Variants in FLNA observed in about 807,000 individuals in gnomAD.
FLNA encodes filamin A.
FLNA carries 7 observed loss-of-function variants against 157.6 expected under a neutral mutation model. That is an observed-to-expected ratio of 0.04 (90% CI 0.03 to 0.08). The LOEUF is 0.08. Ranked by LOEUF, FLNA falls within the 10% of genes least tolerant of loss-of-function variation. The pLI, the probability that FLNA is intolerant of heterozygous loss-of-function variation, is 1.00. For synonymous variants in FLNA, 1,103 were observed against 1,060.8 expected (o/e 1.04, Z -0.77); for missense variants, 1,750 against 2,398.4 (o/e 0.73, Z 5.65).
rs782026744 is a variant in FLNA at position 154,351,969 on chromosome X, A to G, written c.6822T>C (p.Ala2274=). The G allele has an allele frequency of 4.1e-6, 5 of 1,211,261 alleles. No homozygotes were observed. Among genetic ancestry groups the G allele is most frequent in the Non-Finnish European group, 5.6e-6 (5 of 895,157 alleles). The stretch of plus-strand genomic sequence containing the variant: ...TCTCAGCCTTGCTGGGGCCCTCGAC[A>G]GCAATGGCCAGGCCTCCAGCACCAG... ...REAGAGGLAI[A]VEGPSKAEIS... Residue 2274 remains alanine (A), a synonymous_variant, in exon 42 of 48, where the codon GCT becomes GCC. Transcript: ENST00000369850.
chrX:154,349,337 T>G, intron 47 of FLNA, 25 bp downstream of exon 47: 2 of 1,195,929 alleles, frequency 1.7e-6, no homozygotes, highest in Non-Finnish European at 2.3e-6. Context: ...GGTGGGAAGG[T>G]GGGCCGGGGG....
At chrX:154,370,562 G>T (rs900033833) in intron 2 of FLNA, among the ~76,000 whole-genome samples, 2 of 112,741 alleles carry the variant, frequency 1.8e-5, no homozygotes, top group Non-Finnish European at 3.8e-5. Flanking sequence ...CCCAGTGCCC[G>T]ACCCCCCAGG....
chrX:154,350,578 C>A (rs2067611407), intron 44 of FLNA: 1 of 383,419 alleles, frequency 2.6e-6, no homozygotes, highest in Non-Finnish European at 4.6e-6. Flanking sequence ...ATGAAGCCCA[C>A]TGGGCTCCTC....
intron 39 of FLNA, 45 bp downstream of exon 39, chrX:154,352,727 G>T: frequency 8.3e-7 from 1 of 1,211,668 alleles, no homozygotes; most frequent in South Asian, 1.8e-5. Context: ...CTGCCTGTGG[G>T]CCCTGGTGTA....
rs781794969 is a variant in FLNA, at chrX:154,360,363, G to A, written c.3432C>T (p.His1144=). The A allele has an allele frequency of 3.3e-6, 4 of 1,211,722 alleles. No individual in the cohort carries two copies. The South Asian group carries it at 5.3e-5, about 16-fold the overall frequency. ...YNINILFADT[H]IPGSPFKAHV... is the part of the protein sequence containing the mutation. Reference sequence around the variant, plus strand: ...GGGCCTTGAATGGGGAGCCAGGGATGTGGGTGTCAGCGAAGAGGATGTTGA... The same window carrying A: ...GGGCCTTGAATGGGGAGCCAGGGATATGGGTGTCAGCGAAGAGGATGTTGA... The change falls in exon 22 of 48, where the codon CAC becomes CAT. Residue 1144 remains histidine (H), a synonymous_variant. Coordinates refer to ENST00000369850, the MANE Select transcript of FLNA (RefSeq NM_001110556.2).
At position 154,362,455 on chromosome X, in the gene FLNA, G is replaced by GC. The variant is rs782312089; in HGVS notation, c.2527dup (p.Ala843GlyfsTer12). 2 of 1,211,447 alleles carry GC rather than the reference G, an allele frequency of 1.7e-6. No homozygotes were observed. On this transcript the variant is annotated frameshift_variant, in exon 17 of 48. Coordinates refer to ENST00000369850, the MANE Select transcript of FLNA (RefSeq NM_001110556.2). LOFTEE classifies it high-confidence loss of function. ...GAGGACCATAATGGTGTAGCTGCCA[G>GC]CCCCCCGGGGCGTGTACTTGACCGT...
At chrX:154,364,233 GC>G in intron 14 of FLNA, 25 bp downstream of exon 14, 1 of 1,207,753 alleles carries the variant, frequency 8.3e-7, no homozygotes, top group South Asian at 1.8e-5. Flanking sequence ...CACCTGCCCT[GC>G]CCCCAACACC....
chrX:154,356,674 C>T (rs1487972208), intron 30 of FLNA, among the ~76,000 whole-genome samples: 1 of 112,242 alleles, frequency 8.9e-6, no homozygotes, highest in Non-Finnish European at 1.9e-5. Flanking sequence ...AGGAGGGAGA[C>T]GGGCCACAGA....
At position 154,359,275 on chromosome X, in the gene FLNA, T is replaced by C. The variant is rs782695587; in HGVS notation, c.4274A>G (p.Asn1425Ser). Residue 1425 changes from asparagine (N) to serine (S), a missense_variant, in exon 25 of 48, where the codon AAC becomes AGC. Asn to Ser is a conservative substitution (Grantham distance 46). Coordinates refer to ENST00000369850, the MANE Select transcript of FLNA (RefSeq NM_001110556.2). ...IPYEAGTYSL[N>S]VTYGGHQVPG... ...CACTTGATGGCCACCATAGGTGACG[T>C]TGAGGCTGTAGGTGCCAGCCTCATA... 1.7e-5 allele frequency: 20 copies of C among 1,211,375 alleles called. No individual in the cohort carries two copies. Among genetic ancestry groups the C allele is most frequent in the East Asian group, 3.0e-5 (1 of 33,841 alleles).
chrX:154,373,209 G>A (rs2067820933), intron 1 of FLNA, among the ~76,000 whole-genome samples: 1 of 112,156 alleles, frequency 8.9e-6, no homozygotes, highest in South Asian at 3.6e-4. Flanking sequence ...TGGAAAGCAA[G>A]TTCCCAGGCA....
chrX:154,364,497 G>T, intron 13 of FLNA, 29 bp downstream of exon 13: 1 of 1,205,104 alleles, frequency 8.3e-7, no homozygotes. Flanking sequence ...AGCAGGGCGA[G>T]ACTTAGGCCA....
At chrX:154,372,157 A>G (rs926375901) in intron 1 of FLNA, among the ~76,000 whole-genome samples, 1 of 113,262 alleles carries the variant, frequency 8.8e-6, no homozygotes. Context: ...CAGCCTTCGA[A>G]GGGGTCCGGG....
In FLNA at chrX:154,361,968, G is replaced by A. The variant is rs781834399; in HGVS notation, c.2826+11C>T. The A allele has an allele frequency of 1.5e-5, 18 of 1,206,888 alleles. No homozygotes were observed. The highest frequency in any genetic ancestry group is 5.9e-5 in the East Asian group (2 of 33,738). On this transcript the variant is annotated intron_variant, in intron 19 of 47. Coordinates refer to ENST00000369850, the MANE Select transcript of FLNA (RefSeq NM_001110556.2). ...TGGGGACTCGGTGACTGTAGTGGAG[G>A]GTGTGGCTACCTGCTGGACAGGCGT... is the stretch of plus-strand genomic sequence containing the variant.
intron 35 of FLNA, 84 bp downstream of exon 35, chrX:154,353,831 T>C: frequency 8.3e-7 from 1 of 1,197,666 alleles, no homozygotes; most frequent in African/African-American, 1.7e-5. Context: ...GGAGCCCCAT[T>C]CAGGAGTATC....
Position 154,361,794 on chromosome X carries a change from A to G in FLNA, c.2827-7T>C, listed in dbSNP as rs2067713533. 1.7e-6 allele frequency: 2 copies of G among 1,164,380 alleles called. No individual in the cohort carries two copies. The highest frequency in any genetic ancestry group is 1.8e-5 in the African/African-American group (1 of 55,874). Reference sequence around the variant, plus strand: ...CATTGACGCCTACTGGACCCTGGGAAGGGTGCAGAAGGGAAGGGGGTATTT... The same window carrying G: ...CATTGACGCCTACTGGACCCTGGGAGGGGTGCAGAAGGGAAGGGGGTATTT... On this transcript the variant is annotated splice_region_variant and splice_polypyrimidine_tract_variant and intron_variant, in intron 19 of 47. Coordinates refer to ENST00000369850, the MANE Select transcript of FLNA (RefSeq NM_001110556.2).
Position 154,358,295 on chromosome X carries a change from G to C in FLNA, c.4659C>G (p.Pro1553=), listed in dbSNP as rs375163471. 8.3e-7 allele frequency: 1 copy of C among 1,210,920 alleles called. No homozygotes were observed. The highest frequency in any genetic ancestry group is 1.1e-6 in the Non-Finnish European group (1 of 895,086). ...HDASKVKASG[P]GLNTTGVPAS... ...CAGGCACGCCAGTGGTGTTGAGCCC[G>C]GGGCCACTGGCCTTCACCTTGCTGG... The change falls in exon 28 of 48, where the codon CCC becomes CCG. Residue 1553 remains proline, a synonymous_variant. Transcript: ENST00000369850.
rs1270228198 is a variant in FLNA at position 154,369,540 on chromosome X, A to T, written c.373+1333T>A. ...CTTTCCCCAGCCCCTGGGCCAGCCA[A>T]CCCCTCCCTCCCCTAATCACTGCTG... is the stretch of plus-strand genomic sequence containing the variant. On this transcript the variant is annotated intron_variant, in intron 2 of 47. Transcript: ENST00000369850. Among the ~76,000 whole-genome samples, 6 of 79,922 alleles carry T rather than the reference A, an allele frequency of 7.5e-5. No homozygotes were observed. The East Asian group carries it at 2.7e-3, about 36-fold the overall frequency. 69.4% of individuals were successfully genotyped at this position (79,922 alleles called of 115,157 possible). A position where few individuals can be genotyped will look rare whatever the true frequency, so the allele number is the denominator to read the frequency against.
intron 28 of FLNA, 27 bp downstream of exon 28, chrX:154,358,172 C>A: frequency 2.5e-6 from 3 of 1,207,084 alleles, no homozygotes; most frequent in Non-Finnish European, 3.4e-6. Context: ...GGCCCCCCTG[C>A]CTCCCCTGCC....
chrX:154,349,846 A>G lies in FLNA; in HGVS notation c.7355T>C (p.Val2452Ala). Residue 2452 changes from valine to alanine, a missense_variant, in exon 46 of 48, where the codon GTG becomes GCG. Physicochemically the swap from Val to Ala is moderately conservative, Grantham distance 64. Transcript: ENST00000369850. ...ACCAGCTCCCGCATTGCTCGTGTTC[A>G]CGACGAACTCAGCTGGGTTCCCTGG... The part of the protein sequence containing the change: ...GVTGNPAEFV[V>A]NTSNAGAGAL... The G allele has an allele frequency of 8.3e-7, 1 of 1,211,038 alleles. No individual in the cohort carries two copies. The highest frequency in any genetic ancestry group is 1.1e-6 in the Non-Finnish European group (1 of 895,192).
Sources: gnomAD v4.1 joint callset for allele counts (sites outside exome capture counted in the v4.1 genomes callset) on GRCh38, gnomAD v4.1.1 for gene constraint, MANE v1.5 for transcripts, NCBI Gene and HGNC (gene_info 2026-07-23, HGNC 2026-07-21) for gene names.